The following TULP4 variants were observed in gnomAD, a reference collection of about 807,000 sequenced individuals.
TULP4 encodes the protein tubby-related protein 4.
In TULP4, 16 loss-of-function variants were observed where a neutral mutation model predicts 129.0. The ratio of observed to expected loss-of-function variants is 0.12; its 90% confidence interval spans 0.08 to 0.19. The LOEUF is 0.19. Among genes scored for constraint, TULP4 ranks in the 10% least tolerant of loss-of-function variants. The pLI is 1.00. For synonymous variants in TULP4, 998 were observed against 854.0 expected (o/e 1.17, Z -2.94); for missense variants, 1,842 against 2,059.1 (o/e 0.89, Z 2.04).
At chr6:158,251,058 G>C (rs1778130360) in intron 1 of TULP4, among the ~76,000 whole-genome samples, 1 of 152,216 alleles carries the variant, frequency 6.6e-6, no homozygotes, top group Admixed American at 6.5e-5. Flanking sequence ...GAAGGAGGCA[G>C]ACAGGGGAGG....
At chr6:158,261,163 G>C (rs180774013) in intron 1 of TULP4, among the ~76,000 whole-genome samples, 16 of 152,252 alleles carry the variant, frequency 1.1e-4, no homozygotes, top group Non-Finnish European at 1.6e-4. Flanking sequence ...GAATTTTCTG[G>C]CATGATAAAA....
chr6:158,239,183 GC>G (rs1435968355), intron 1 of TULP4, among the ~76,000 whole-genome samples: 2 of 110,742 alleles, frequency 1.8e-5, no homozygotes, highest in African/African-American at 6.3e-5. Context: ...CGGGCGGGGG[GC>G]TGACCCCCCC....
intron 2 of TULP4, among the ~76,000 whole-genome samples, chr6:158,427,242 T>C (rs923627173): frequency 2.0e-5 from 3 of 152,172 alleles, no homozygotes; most frequent in African/African-American, 7.2e-5. Flanking sequence ...ACATACTATA[T>C]GGTACCATTC....
At chr6:158,379,646 C>T (rs1175925474) in intron 1 of TULP4, among the ~76,000 whole-genome samples, 4 of 152,104 alleles carry the variant, frequency 2.6e-5, no homozygotes, top group East Asian at 3.9e-4. Flanking sequence ...TTCAAGATTG[C>T]GGCTTGGGTT....
At chr6:158,272,881 C>G (rs1032864560) in intron 1 of TULP4, among the ~76,000 whole-genome samples, 3 of 152,192 alleles carry the variant, frequency 2.0e-5, no homozygotes, top group African/African-American at 7.2e-5. Flanking sequence ...AGGAAACGAT[C>G]AATATGTGTT....
intron 1 of TULP4, among the ~76,000 whole-genome samples, chr6:158,232,974 A>G (rs1450305973): frequency 1.3e-5 from 2 of 152,258 alleles, no homozygotes; most frequent in Non-Finnish European, 2.9e-5. Flanking sequence ...TCCGAGCACC[A>G]ACCCTTCCTC....
intron 5 of TULP4, among the ~76,000 whole-genome samples, chr6:158,453,513 G>A (rs1180838550): frequency 2.6e-5 from 3 of 116,606 alleles, no homozygotes; most frequent in Admixed American, 8.5e-5. Context: ...AAAAAAAGCC[G>A]GGCACGGTAG....
intron 3 of TULP4, among the ~76,000 whole-genome samples, chr6:158,439,473 C>G (rs1396381673): frequency 6.6e-6 from 1 of 152,006 alleles, no homozygotes; most frequent in Admixed American, 6.6e-5. Context: ...CCCAGAGCAA[C>G]TCTCTCCCTC....
chr6:158,501,777 A>C lies in TULP4; in HGVS notation c.2114A>C (p.Gln705Pro). Reference protein sequence around the residue: ...HSSAQAMSPTQSIGLVQSLLA... With the variant: ...HSSAQAMSPTPSIGLVQSLLA... Reference sequence around the variant, plus strand: ...TCGGCTCAGGCTATGTCCCCCACGCAGAGCATAGGGCTGGTGCAGTCCCTA... The same window carrying C: ...TCGGCTCAGGCTATGTCCCCCACGCCGAGCATAGGGCTGGTGCAGTCCCTA... The change falls in exon 13 of 14, where the codon CAG becomes CCG. Residue 705 changes from glutamine (Q) to proline (P), a missense_variant. Around this residue, in one of 5 missense-constraint regions of TULP4, gnomAD observed 99 missense variants for 165.1 expected, o/e 0.60. Coordinates refer to ENST00000367097, the MANE Select transcript of TULP4 (RefSeq NM_020245.5). 1 of 1,614,142 alleles carries C rather than the reference A, an allele frequency of 6.2e-7. No homozygotes were observed. Among genetic ancestry groups the C allele is most frequent in the East Asian group, 2.2e-5 (1 of 44,876 alleles).
intron 1 of TULP4, among the ~76,000 whole-genome samples, chr6:158,234,162 T>C (rs912211038): frequency 6.6e-6 from 1 of 152,248 alleles, no homozygotes; most frequent in Non-Finnish European, 1.5e-5. Context: ...GTATAAATCA[T>C]ATTTATCTTT....
intron 1 of TULP4, among the ~76,000 whole-genome samples, chr6:158,300,837 G>A (rs1279497001): frequency 6.6e-6 from 1 of 152,314 alleles, no homozygotes; most frequent in Non-Finnish European, 1.5e-5. Flanking sequence ...CAAAAACTTG[G>A]CACTGAGGGC....
chr6:158,244,004 C>T (rs1258225697), intron 1 of TULP4, among the ~76,000 whole-genome samples: 1 of 152,038 alleles, frequency 6.6e-6, no homozygotes, highest in East Asian at 1.9e-4. Flanking sequence ...ATGATTTGGT[C>T]CCCTAGCATC....
At chr6:158,240,873 G>A (rs1343656104) in intron 1 of TULP4, among the ~76,000 whole-genome samples, 2 of 150,810 alleles carry the variant, frequency 1.3e-5, no homozygotes, top group Admixed American at 1.3e-4. Flanking sequence ...TCCCGGACGG[G>A]GTGGCTGCCG....
chr6:158,239,581 CA>C (rs1445820301), intron 1 of TULP4, among the ~76,000 whole-genome samples: 9 of 45,590 alleles, frequency 2.0e-4, no homozygotes, highest in Non-Finnish European at 2.4e-4. Flanking sequence ...GCTGGCCGGG[CA>C]GGGGGGCTGA....
At chr6:158,360,466 A>G (rs1343122317) in intron 1 of TULP4, among the ~76,000 whole-genome samples, 1 of 152,168 alleles carries the variant, frequency 6.6e-6, no homozygotes, top group Non-Finnish European at 1.5e-5. Context: ...TCAGTCTTCA[A>G]GTTGATACTA....
chr6:158,509,992 A>G lies in TULP4; in HGVS notation c.*3298A>G, dbSNP rs977368754. 6.6e-6 allele frequency: 1 copy of G among 152,376 alleles called. No individual in the cohort carries two copies. The highest frequency in any genetic ancestry group is 1.5e-5 in the Non-Finnish European group (1 of 68,040). 9.4% of individuals were successfully genotyped at this position (152,376 alleles called of 1,614,324 possible). A position where few individuals can be genotyped will look rare whatever the true frequency, so the allele number is the denominator to read the frequency against. On this transcript the variant is annotated 3_prime_UTR_variant, in exon 14 of 14. Coordinates refer to ENST00000367097, the MANE Select transcript of TULP4 (RefSeq NM_020245.5). The stretch of plus-strand genomic sequence containing the variant: ...TATCAAGATACCTCATTGAATCCCT[A>G]AATTTAAAAGCAGTCCAGTAAAAGG...
intron 3 of TULP4, among the ~76,000 whole-genome samples, chr6:158,441,936 C>A (rs991222107): frequency 1.3e-5 from 2 of 152,138 alleles, no homozygotes; most frequent in African/African-American, 2.4e-5. Context: ...AGAGTAGGGG[C>A]CTAATTTTGT....
intron 1 of TULP4, among the ~76,000 whole-genome samples, chr6:158,287,086 G>A (rs1250604044): frequency 1.3e-5 from 2 of 152,156 alleles, no homozygotes; most frequent in East Asian, 1.9e-4. Context: ...TATTGTAGTA[G>A]GGAAGATAAA....
chr6:158,450,134 G>A (rs1779134405), intron 4 of TULP4, among the ~76,000 whole-genome samples: 1 of 152,158 alleles, frequency 6.6e-6, no homozygotes, highest in Non-Finnish European at 1.5e-5. Context: ...CTGCCTAGCT[G>A]TAACCATCTC....
Sources: gnomAD v4.1 joint callset for allele counts (sites outside exome capture counted in the v4.1 genomes callset) on GRCh38, gnomAD v4.1.1 for gene constraint, gnomAD v4.1.1 regional missense constraint, MANE v1.5 for transcripts, NCBI Gene and HGNC (gene_info 2026-07-23, HGNC 2026-07-21) for gene names.